The following CAMTA1 variants were observed in gnomAD, a reference collection of about 807,000 sequenced individuals.
The protein encoded by CAMTA1 is calmodulin-binding transcription activator 1.
Under a neutral mutation model 170.9 loss-of-function variants are expected in CAMTA1, and 27 were observed. That is an observed-to-expected ratio of 0.16 (90% confidence interval 0.12 to 0.22). The LOEUF is 0.22. Among genes scored for constraint, CAMTA1 ranks in the 10% least tolerant of loss-of-function variants. The pLI is 1.00. For missense variants in CAMTA1, 1,619 were observed against 2,217.2 expected (o/e 0.73, Z 5.42); for synonymous variants, 833 against 891.5 (o/e 0.93, Z 1.17).
chr1:7,101,954 CAT>C (rs1411796337), intron 4 of CAMTA1, among the ~76,000 whole-genome samples: 2 of 152,014 alleles, frequency 1.3e-5, no homozygotes, highest in Non-Finnish European at 2.9e-5. Flanking sequence ...ATATTCAACA[CAT>C]AATGCATGCA....
chr1:7,450,035 G>A (rs1217618672), intron 5 of CAMTA1, among the ~76,000 whole-genome samples: 22 of 152,124 alleles, frequency 1.4e-4, no homozygotes, highest in Admixed American at 1.4e-3. Flanking sequence ...TGTCCTGCTT[G>A]GAGAGATGAG....
chr1:6,969,388 C>T (rs1228123441), intron 3 of CAMTA1, among the ~76,000 whole-genome samples: 6 of 152,130 alleles, frequency 3.9e-5, no homozygotes, highest in Non-Finnish European at 7.4e-5. Context: ...GGGGAGTGAG[C>T]GGCTAGGTTG....
At chr1:6,980,282 C>A (rs1572188652) in intron 3 of CAMTA1, among the ~76,000 whole-genome samples, 1 of 152,182 alleles carries the variant, frequency 6.6e-6, no homozygotes, top group Non-Finnish European at 1.5e-5. Context: ...ATCCAGAATC[C>A]TCTGTCTCCC....
At chr1:6,813,684 A>G (rs1187317694) in intron 1 of CAMTA1, among the ~76,000 whole-genome samples, 1 of 152,074 alleles carries the variant, frequency 6.6e-6, no homozygotes. Context: ...GCAGTGGCAC[A>G]GCTCACAGCT....
At chr1:7,351,704 C>T (rs968731827) in intron 5 of CAMTA1, among the ~76,000 whole-genome samples, 1 of 152,116 alleles carries the variant, frequency 6.6e-6, no homozygotes, top group African/African-American at 2.4e-5. Flanking sequence ...TGGCCGGGGT[C>T]GGATCAGTCA....
intron 3 of CAMTA1, among the ~76,000 whole-genome samples, chr1:6,834,038 G>A (rs1396033203): frequency 1.3e-5 from 2 of 152,032 alleles, no homozygotes; most frequent in African/African-American, 4.8e-5. Context: ...AGGTGATGGC[G>A]CTTGGTGACC....
chr1:6,956,755 C>G (rs1206489861), intron 3 of CAMTA1, among the ~76,000 whole-genome samples: 1 of 152,162 alleles, frequency 6.6e-6, no homozygotes, highest in Non-Finnish European at 1.5e-5. Flanking sequence ...ACAAAGGGCT[C>G]AGTGTTGGCC....
At chr1:7,052,078 C>T (rs967945829) in intron 3 of CAMTA1, among the ~76,000 whole-genome samples, 13 of 11,712 alleles carry the variant, frequency 1.1e-3, no homozygotes, top group South Asian at 8.7e-3. Flanking sequence ...TGGCATGGGG[C>T]GGGGGGGTGG....
intron 6 of CAMTA1, among the ~76,000 whole-genome samples, chr1:7,528,656 T>C (rs1312446483): frequency 6.6e-6 from 1 of 151,980 alleles, no homozygotes; most frequent in Non-Finnish European, 1.5e-5. Flanking sequence ...CGTGCCCTAT[T>C]GACAGATGGG....
intron 3 of CAMTA1, among the ~76,000 whole-genome samples, chr1:6,924,509 C>A (rs1306417323): frequency 6.6e-6 from 1 of 152,182 alleles, no homozygotes; most frequent in Non-Finnish European, 1.5e-5. Context: ...AGGGGCGGCC[C>A]TCCCTGGCCT....
intron 11 of CAMTA1, among the ~76,000 whole-genome samples, chr1:7,713,826 C>G (rs3121222): frequency 0.97 from 147,672 of 152,184 alleles, 71,787 homozygotes; most frequent in East Asian, 1. Context: ...GAACAGAAAG[C>G]GCAAGAATTG....
intron 6 of CAMTA1, among the ~76,000 whole-genome samples, chr1:7,583,778 A>T (rs984626377): frequency 1.3e-5 from 2 of 152,088 alleles, no homozygotes; most frequent in Admixed American, 6.5e-5. Flanking sequence ...AGGAAGACAC[A>T]GGGGGGTTCA....
rs34917583 is a variant in CAMTA1 at position 7,239,919 on chromosome 1, T to TA, written c.303-9564dup. 4.3e-3 allele frequency among the ~76,000 whole-genome samples: 655 copies of TA among 151,430 alleles called. 5 individuals are homozygous for TA. Among genetic ancestry groups the TA allele is most frequent in the African/African-American group, 0.011 (462 of 41,284 alleles). On this transcript the variant is annotated intron_variant, in intron 4 of 22. Coordinates refer to ENST00000303635, the MANE Select transcript of CAMTA1 (RefSeq NM_015215.4). ...AGGGGGCCACCAGACTCACTTTTAT[T>TA]AAAAAAAAGCCACTCCTGTAATAAC...
intron 6 of CAMTA1, among the ~76,000 whole-genome samples, chr1:7,553,927 G>A (rs777759388): frequency 6.6e-6 from 1 of 152,178 alleles, no homozygotes; most frequent in Non-Finnish European, 1.5e-5. Context: ...CCCCTGCTCT[G>A]TCTCTGGGGA....
intron 16 of CAMTA1, among the ~76,000 whole-genome samples, chr1:7,743,998 T>G (rs1455255421): frequency 6.6e-6 from 1 of 151,306 alleles, no homozygotes; most frequent in African/African-American, 2.4e-5. Context: ...AGCTAATTTT[T>G]TGTATTTTTT....
chr1:7,091,478 C>A, intron 4 of CAMTA1, 107 bp downstream of exon 4: 2 of 831,126 alleles, frequency 2.4e-6, no homozygotes, highest in Non-Finnish European at 4.2e-6. Context: ...GTTGAAAATG[C>A]CATGTTGTGC....
Position 7,732,231 on chromosome 1 carries a change from T to C in CAMTA1, c.2915-217T>C, listed in dbSNP as rs1430374876. On this transcript the variant is annotated intron_variant, in intron 11 of 22. Coordinates refer to ENST00000303635, the MANE Select transcript of CAMTA1 (RefSeq NM_015215.4). This position sits in a 1 kb window ranked among gnomAD's most constrained non-coding sequence, Gnocchi z 4.1. Reference sequence around the variant, plus strand: ...TGACAAAAAGAGAATTTCTGGTCTTTTATCCGAGAACTTCGGGCTGCTGAA... The same window carrying C: ...TGACAAAAAGAGAATTTCTGGTCTTCTATCCGAGAACTTCGGGCTGCTGAA... 2.0e-5 allele frequency among the ~76,000 whole-genome samples: 3 copies of C among 152,166 alleles called. No homozygotes were observed. The highest frequency in any genetic ancestry group is 7.2e-5 in the African/African-American group (3 of 41,432).
chr1:7,640,208 CTGCTAATAT>C (rs2095749975), intron 6 of CAMTA1, among the ~76,000 whole-genome samples, 183 bp from the exon 7 acceptor site: 4 of 152,126 alleles, frequency 2.6e-5, no homozygotes, highest in Non-Finnish European at 5.9e-5. Context: ...GCCAGCGAGT[CTGCTAATAT>C]CCCACATGCG....
intron 4 of CAMTA1, among the ~76,000 whole-genome samples, chr1:7,241,299 G>A (rs918834844): frequency 6.6e-6 from 1 of 152,154 alleles, no homozygotes; most frequent in African/African-American, 2.4e-5. Flanking sequence ...GATTTACCTG[G>A]GTAGAAAGAC....
Sources: allele counts gnomAD v4.1 joint callset (sites outside exome capture counted in the v4.1 genomes callset), GRCh38; gene constraint gnomAD v4.1.1; non-coding constraint Gnocchi (gnomAD v3.1); transcripts MANE v1.5; gene names NCBI Gene and HGNC (gene_info 2026-07-23, HGNC 2026-07-21).